TRPC5: variants seen among roughly 807,000 people sequenced by gnomAD.
The protein encoded by TRPC5 is transient receptor potential cation channel subfamily C member 5, also known as short transient receptor potential channel 5.
In TRPC5, 9 loss-of-function variants were observed where a neutral mutation model predicts 56.5. That is an observed-to-expected ratio of 0.16 (90% CI 0.10 to 0.28). TRPC5 has a LOEUF of 0.28. Among genes scored for constraint, TRPC5 ranks in the 10% least tolerant of loss-of-function variants. The pLI is 1.00. For missense variants in TRPC5, 469 were observed against 748.9 expected (o/e 0.63, Z 4.36); for synonymous variants, 282 against 278.5 (o/e 1.01, Z -0.13).
intron 3 of TRPC5, among the ~76,000 whole-genome samples, chrX:111,857,407 G>C (rs886851): frequency 0.11 from 12,081 of 111,325 alleles, 1,540 homozygotes; most frequent in African/African-American, 0.36. Flanking sequence ...AAAGGGGAGG[G>C]AGGCTTCTCA....
At chrX:111,988,647 C>T (rs1928273035) in intron 1 of TRPC5, among the ~76,000 whole-genome samples, 1 of 110,940 alleles carries the variant, frequency 9.0e-6, no homozygotes, top group Admixed American at 9.7e-5. Context: ...GGGTCAGGCT[C>T]ATTGCCTGAA....
At chrX:111,942,034 G>A (rs1015620812) in intron 2 of TRPC5, among the ~76,000 whole-genome samples, 2 of 112,053 alleles carry the variant, frequency 1.8e-5, no homozygotes, top group Non-Finnish European at 1.9e-5. Flanking sequence ...GGGTCATGGA[G>A]GCAGGGTGCT....
chrX:111,842,134 A>G (rs1023079394), intron 6 of TRPC5, among the ~76,000 whole-genome samples: 7 of 83,117 alleles, frequency 8.4e-5, no homozygotes, highest in African/African-American at 3.3e-4. Flanking sequence ...ATATATATGT[A>G]TATATATATA....
chrX:111,978,994 T>C (rs1230723093), intron 1 of TRPC5, among the ~76,000 whole-genome samples: 2 of 111,605 alleles, frequency 1.8e-5, no homozygotes, highest in African/African-American at 6.5e-5. Flanking sequence ...ATATCCACTC[T>C]TGCAACTTTT....
rs1945830558 is a variant in TRPC5 at position 111,769,271 on chromosome X, T to G, written c.*7042A>C. On this transcript the variant is annotated 3_prime_UTR_variant, in exon 11 of 11. Transcript: ENST00000262839. ...GGATCAAATAAGTTTGAGGAGTCAA[T>G]TCTGAGTTTATTTACAGCATAAGCC... 8.9e-6 allele frequency among the ~76,000 whole-genome samples: 1 copy of G among 112,205 alleles called. No homozygotes were observed. Among genetic ancestry groups the G allele is most frequent in the African/African-American group, 3.2e-5 (1 of 30,932 alleles).
At chrX:111,953,204 T>C (rs1927139839) in intron 1 of TRPC5, among the ~76,000 whole-genome samples, 1 of 112,217 alleles carries the variant, frequency 8.9e-6, no homozygotes, top group East Asian at 2.8e-4. Flanking sequence ...TCATGATTTT[T>C]TCCTCTGCCA....
chrX:111,905,914 C>CAAAAAAAAAAAAAA lies in TRPC5; in HGVS notation c.900+6363_900+6376dup, dbSNP rs1202912083. On this transcript the variant is annotated intron_variant, in intron 3 of 10. Transcript: ENST00000262839. The stretch of plus-strand genomic sequence containing the variant: ...TGGGCGACAGAGCGAGTCTCTGTCT[C>CAAAAAAAAAAAAAA]AAAAAAAAAAAAAAAAAGAAAGAAA... 2.9e-3 allele frequency among the ~76,000 whole-genome samples: 109 copies of CAAAAAAAAAAAAAA among 36,987 alleles called. 1 individual carries two copies. The highest frequency in any genetic ancestry group is 0.012 in the African/African-American group (102 of 8,559). 32.1% of individuals were successfully genotyped at this position (36,987 alleles called of 115,157 possible).
At chrX:111,860,232 T>A (rs1208143344) in intron 3 of TRPC5, among the ~76,000 whole-genome samples, 2 of 112,497 alleles carry the variant, frequency 1.8e-5, no homozygotes, top group Non-Finnish European at 3.8e-5. Flanking sequence ...TTTTAAATTC[T>A]AGAGGAACTA....
At position 111,914,682 on chromosome X, in the gene TRPC5, A is replaced by G. The variant is rs779807559; in HGVS notation, c.379-1870T>C. The stretch of plus-strand genomic sequence containing the variant: ...ACATTTAGAGGGAGCAGCTACAAAC[A>G]AGACAGCAGGAAGTGAGCAACTGGC... On this transcript the variant is annotated intron_variant, in intron 2 of 10. Coordinates refer to ENST00000262839, the MANE Select transcript of TRPC5 (RefSeq NM_012471.3). Among the ~76,000 whole-genome samples, 9 of 112,578 alleles carry G rather than the reference A, an allele frequency of 8.0e-5. No homozygotes were observed. The Admixed American group carries it at 8.5e-4, about 11-fold the overall frequency.
At chrX:112,051,930 C>T (rs1952652396) in intron 1 of TRPC5, among the ~76,000 whole-genome samples, 1 of 112,090 alleles carries the variant, frequency 8.9e-6, no homozygotes, top group African/African-American at 3.2e-5. Context: ...AAGGTTCATC[C>T]TCATTGCAGT....
intron 7 of TRPC5, among the ~76,000 whole-genome samples, chrX:111,814,860 G>A (rs765064803): frequency 1.8e-5 from 2 of 110,578 alleles, no homozygotes; most frequent in East Asian, 5.7e-4. Flanking sequence ...GCTCCAGTGT[G>A]CAAACTCAGG....
chrX:112,011,341 C>T (rs1318037197), intron 1 of TRPC5, among the ~76,000 whole-genome samples: 2 of 111,332 alleles, frequency 1.8e-5, no homozygotes, highest in African/African-American at 6.6e-5. Flanking sequence ...TCCAAGAAAG[C>T]GCAAGTAAGT....
chrX:112,004,203 T>C (rs907471313), intron 1 of TRPC5, among the ~76,000 whole-genome samples: 1 of 111,641 alleles, frequency 9.0e-6, no homozygotes, highest in Non-Finnish European at 1.9e-5. Flanking sequence ...TAATTAACCA[T>C]AGAGTTATCT....
chrX:111,952,299 T>C lies in TRPC5; in HGVS notation c.122A>G (p.Glu41Gly). 1.7e-6 allele frequency: 2 copies of C among 1,211,921 alleles called. No homozygotes were observed. Among genetic ancestry groups the C allele is most frequent in the Non-Finnish European group, 2.2e-6 (2 of 895,560 alleles). The change falls in exon 2 of 11, where the codon GAG becomes GGG. Residue 41 changes from glutamate (E) to glycine (G), a missense_variant. Glu to Gly is a moderately conservative substitution (Grantham distance 98, BLOSUM62 -2). Coordinates refer to ENST00000262839, the MANE Select transcript of TRPC5 (RefSeq NM_012471.3). Reference sequence around the variant, plus strand: ...CTTCACAGTGGCATAGTCCCCCTTCTCCACAGCATTGAGGAAGGCCTTCTC... The same window carrying C: ...CTTCACAGTGGCATAGTCCCCCTTCCCCACAGCATTGAGGAAGGCCTTCTC... ...AEEKAFLNAV[E>G]KGDYATVKQA...
At position 111,770,679 on chromosome X, in the gene TRPC5, A is replaced by G. The variant is rs1157527366; in HGVS notation, c.*5634T>C. 9.0e-6 allele frequency among the ~76,000 whole-genome samples: 1 copy of G among 111,388 alleles called. No individual in the cohort carries two copies. Among genetic ancestry groups the G allele is most frequent in the Non-Finnish European group, 1.9e-5 (1 of 53,088 alleles). On this transcript the variant is annotated 3_prime_UTR_variant, in exon 11 of 11. Transcript: ENST00000262839. ...CATCTAAGTTTCCCAATCCCAGCAA[A>G]AATCCAAAGCCTCCTTTCTTCCTTC...
At position 111,899,146 on chromosome X, in the gene TRPC5, T is replaced by TA. The variant is rs1269634857; in HGVS notation, c.900+13144dup. Among the ~76,000 whole-genome samples, 54 of 108,121 alleles carry TA rather than the reference T, an allele frequency of 5.0e-4. No individual in the cohort carries two copies. In the South Asian group the frequency reaches 8.8e-3, roughly 18 times the overall value. The allele number at this position is 108,121 out of a possible 115,157, so 93.9% of individuals were successfully genotyped here. On this transcript the variant is annotated intron_variant, in intron 3 of 10. Coordinates refer to ENST00000262839, the MANE Select transcript of TRPC5 (RefSeq NM_012471.3). Reference sequence around the variant, plus strand: ...AAATTCTGAGATTGAGAATAAAAAATAAAAAAAAAGCTAATACAAGGGTCA... The same window carrying TA: ...AAATTCTGAGATTGAGAATAAAAAATAAAAAAAAAAGCTAATACAAGGGTCA...
chrX:112,071,146 AC>A (rs1419258145), intron 1 of TRPC5, among the ~76,000 whole-genome samples: 1 of 109,118 alleles, frequency 9.2e-6, no homozygotes, highest in Non-Finnish European at 1.9e-5. Flanking sequence ...AACAAACGAA[AC>A]AAAAAACCCA....
chrX:111,958,646 C>T (rs1927297276), intron 1 of TRPC5, among the ~76,000 whole-genome samples: 1 of 112,205 alleles, frequency 8.9e-6, no homozygotes, highest in South Asian at 3.7e-4. Flanking sequence ...CTTAATTAGT[C>T]TAAGGCTAAG....
chrX:111,914,207 A>G (rs1157854919), intron 2 of TRPC5, among the ~76,000 whole-genome samples: 1 of 111,753 alleles, frequency 8.9e-6, no homozygotes, highest in Admixed American at 9.5e-5. Flanking sequence ...TAGGAAAAAA[A>G]AGTTCCAAAT....
Sources: allele counts gnomAD v4.1 joint callset (sites outside exome capture counted in the v4.1 genomes callset), GRCh38; gene constraint gnomAD v4.1.1; transcripts MANE v1.5; gene names NCBI Gene and HGNC (gene_info 2026-07-23, HGNC 2026-07-21).